The following CCDC50 variants were observed in gnomAD, a reference collection of about 807,000 sequenced individuals.
CCDC50 encodes the protein coiled-coil domain-containing protein 50.
In CCDC50, 54 loss-of-function variants were observed where a neutral mutation model predicts 70.2. That is an observed-to-expected ratio of 0.77 (90% CI 0.62 to 0.96). CCDC50 has a LOEUF of 0.96. CCDC50 is among the 50% of genes least tolerant of loss of function. The pLI is 0.00. For synonymous variants in CCDC50, 216 were observed against 198.8 expected, an observed-to-expected ratio of 1.09 and a Z score of -0.73; for missense variants, 558 against 578.7, an observed-to-expected ratio of 0.96 and a Z score of 0.37.
chr3:191,381,029 A>G, intron 9 of CCDC50, 97 bp downstream of exon 9: 1 of 875,406 alleles, frequency 1.1e-6, no homozygotes, highest in Non-Finnish European at 1.8e-6. Flanking sequence ...TATTTAGGAT[A>G]TATGAATATA....
At chr3:191,350,867 T>C (rs1193357955) in intron 1 of CCDC50, among the ~76,000 whole-genome samples, 1 of 142,012 alleles carries the variant, frequency 7.0e-6, no homozygotes, top group South Asian at 2.2e-4. Flanking sequence ...CCCACTAAGT[T>C]TTTTTCTCAC....
chr3:191,369,241 G>A lies in CCDC50; in HGVS notation c.331-678G>A, dbSNP rs556756094. 5.9e-5 allele frequency among the ~76,000 whole-genome samples: 9 copies of A among 151,816 alleles called. No homozygotes were observed. The East Asian group carries it at 9.7e-4, about 16-fold the overall frequency. ...ATAGTATTCCCTCTTTTGTACTCCC[G>A]TGGAAATTTTTTTGAGGCATTTACA... is the stretch of plus-strand genomic sequence containing the variant. On this transcript the variant is annotated intron_variant, in intron 4 of 11. Transcript: ENST00000392455.
chr3:191,350,873 C>T lies in CCDC50; in HGVS notation c.50-6215C>T, dbSNP rs1712085816. Among the ~76,000 whole-genome samples, 2 of 141,762 alleles carry T rather than the reference C, an allele frequency of 1.4e-5. 1 individual carries two copies. Among genetic ancestry groups the T allele is most frequent in the South Asian group, 4.4e-4 (2 of 4,542 alleles). The allele number at this position is 141,762 out of a possible 152,430, so 93.0% of individuals were successfully genotyped here. On this transcript the variant is annotated intron_variant, in intron 1 of 11. Coordinates refer to ENST00000392455, the MANE Select transcript of CCDC50 (RefSeq NM_178335.3). ...AAAATGTCCCCCACTAAGTTTTTTT[C>T]TCACCGGCATTGCCAGTATAAATAC...
chr3:191,374,184 G>A (rs1191371499), intron 5 of CCDC50, among the ~76,000 whole-genome samples: 1 of 152,006 alleles, frequency 6.6e-6, no homozygotes, highest in Non-Finnish European at 1.5e-5. Flanking sequence ...CATTATACTT[G>A]TGCCTAAAAA....
chr3:191,378,099 A>T (rs113204368), intron 6 of CCDC50, among the ~76,000 whole-genome samples: 2,957 of 152,262 alleles, frequency 0.019, 108 homozygotes, highest in African/African-American at 0.068. Flanking sequence ...CTGACAGTGC[A>T]GAAATTTAGT....
intron 9 of CCDC50, 31 bp downstream of exon 9, chr3:191,380,963 G>T (rs1345154684): frequency 1.3e-6 from 2 of 1,553,314 alleles, no homozygotes; most frequent in South Asian, 1.1e-5. Flanking sequence ...TTTCTAATTA[G>T]AAATAAAATT....
chr3:191,375,297 C>A lies in CCDC50; in HGVS notation c.684C>A (p.Ser228=), dbSNP rs1357295334. The stretch of plus-strand genomic sequence containing the variant: ...ATGAGCAGCATGAAAGGAAACGGTC[C>A]ACTCAGGAGAGGCCTCGGAGACCTC... ...INNEQHERKR[S]TQERPRRPLL... is the part of the protein sequence containing the mutation. Residue 228 remains serine, a synonymous_variant, in exon 6 of 12, where the codon TCC becomes TCA. Transcript: ENST00000392455. 1.2e-6 allele frequency: 2 copies of A among 1,613,486 alleles called. No individual in the cohort carries two copies. The highest frequency in any genetic ancestry group is 2.7e-5 in the African/African-American group (2 of 74,896).
intron 4 of CCDC50, among the ~76,000 whole-genome samples, chr3:191,367,143 G>A (rs1388890641): frequency 6.6e-6 from 1 of 152,030 alleles, no homozygotes; most frequent in Non-Finnish European, 1.5e-5. Flanking sequence ...GAGCAAAAAG[G>A]TTTGGGTGCT....
At chr3:191,372,248 T>C (rs1392606171) in intron 5 of CCDC50, among the ~76,000 whole-genome samples, 1 of 152,200 alleles carries the variant, frequency 6.6e-6, no homozygotes, top group African/African-American at 2.4e-5. Flanking sequence ...GTGGCGTATA[T>C]GCTTGTTTCT....
intron 10 of CCDC50, among the ~76,000 whole-genome samples, chr3:191,389,243 G>T (rs986718399): frequency 3.3e-5 from 5 of 151,980 alleles, no homozygotes; most frequent in African/African-American, 9.7e-5. Context: ...TGTTTATTTA[G>T]CCCAGTTCCT....
chr3:191,335,122 T>G (rs1204970642), intron 1 of CCDC50, among the ~76,000 whole-genome samples: 1 of 152,166 alleles, frequency 6.6e-6, no homozygotes, highest in Non-Finnish European at 1.5e-5. Context: ...TAACAGTTTT[T>G]GTTGAGATAA....
chr3:191,365,602 C>T (rs1412008605), intron 4 of CCDC50, among the ~76,000 whole-genome samples: 1 of 152,092 alleles, frequency 6.6e-6, no homozygotes, highest in Non-Finnish European at 1.5e-5. Context: ...CTTGACATCC[C>T]TGCCGAGTTA....
chr3:191,356,661 A>G (rs1712292942), intron 1 of CCDC50, among the ~76,000 whole-genome samples: 1 of 152,266 alleles, frequency 6.6e-6, no homozygotes, highest in South Asian at 2.1e-4. Context: ...ACAGGGAAGC[A>G]TAGATTAGAT....
At chr3:191,365,462 C>T (rs991018213) in intron 4 of CCDC50, among the ~76,000 whole-genome samples, 4 of 151,996 alleles carry the variant, frequency 2.6e-5, no homozygotes, top group Admixed American at 2.0e-4. Flanking sequence ...ATAAATATGA[C>T]TAGAAAGGGA....
rs550736928 is a variant in CCDC50 at position 191,396,734 on chromosome 3, T to C, written c.*4974T>C. Reference sequence around the variant, plus strand: ...GCTAATGTGAAGAGTGTTTCTGTTTTATTACTTATAAGAGAAAAGCAGGAA... The same window carrying C: ...GCTAATGTGAAGAGTGTTTCTGTTTCATTACTTATAAGAGAAAAGCAGGAA... On this transcript the variant is annotated 3_prime_UTR_variant, in exon 12 of 12. Coordinates refer to ENST00000392455, the MANE Select transcript of CCDC50 (RefSeq NM_178335.3). 6.6e-6 allele frequency: 1 copy of C among 152,348 alleles called. No individual in the cohort carries two copies. Among genetic ancestry groups the C allele is most frequent in the South Asian group, 2.1e-4 (1 of 4,826 alleles). 9.4% of individuals were successfully genotyped at this position (152,348 alleles called of 1,614,324 possible). A position where few individuals can be genotyped will look rare whatever the true frequency, so the allele number is the denominator to read the frequency against.
intron 11 of CCDC50, among the ~76,000 whole-genome samples, chr3:191,390,936 G>A (rs927943051): frequency 2.0e-5 from 3 of 152,146 alleles, no homozygotes; most frequent in Non-Finnish European, 4.4e-5. Flanking sequence ...AAGGATCTGC[G>A]TTCACTTATG....
At chr3:191,379,720 C>G (rs1713243486) in intron 6 of CCDC50, among the ~76,000 whole-genome samples, 1 of 152,132 alleles carries the variant, frequency 6.6e-6, no homozygotes, top group Non-Finnish European at 1.5e-5. Context: ...AGTAAGTATG[C>G]AGGCTGAGAT....
intron 1 of CCDC50, among the ~76,000 whole-genome samples, chr3:191,341,646 C>G (rs1711735814): frequency 1.3e-5 from 2 of 152,032 alleles, no homozygotes. Flanking sequence ...TGTTTTCAGC[C>G]TTTGTTGGGA....
At chr3:191,330,860 T>C (rs1399422222) in intron 1 of CCDC50, among the ~76,000 whole-genome samples, 1 of 152,166 alleles carries the variant, frequency 6.6e-6, no homozygotes, top group African/African-American at 2.4e-5. Context: ...TAGTGGTCAC[T>C]GATTTTATGT....
Sources: gnomAD v4.1 joint callset for allele counts (sites outside exome capture counted in the v4.1 genomes callset) on GRCh38, gnomAD v4.1.1 for gene constraint, MANE v1.5 for transcripts, NCBI Gene and HGNC (gene_info 2026-07-23, HGNC 2026-07-21) for gene names.